The following CSTF3 variants were observed in gnomAD, a reference collection of about 807,000 sequenced individuals.
CSTF3 encodes the protein cleavage stimulation factor subunit 3, also known as CF-1 77 kDa subunit.
CSTF3 carries 29 observed loss-of-function variants against 105.8 expected under a neutral mutation model. The ratio of observed to expected loss-of-function variants is 0.27; its 90% CI spans 0.20 to 0.37. The LOEUF (loss-of-function observed/expected upper bound fraction) is 0.37. Ranked by LOEUF, CSTF3 falls within the 10% of genes least tolerant of loss-of-function variation. The pLI, the probability that CSTF3 is intolerant of heterozygous loss-of-function variation, is 1.00. For missense variants in CSTF3, 357 were observed against 879.3 expected (o/e 0.41, Z 7.51); for synonymous variants, 252 against 281.9 (o/e 0.89, Z 1.06).
rs1248883291 is a variant in CSTF3 at position 33,084,734 on chromosome 11, A to ATGCTT, written c.*348_*352dup. 1 of 228,384 alleles carries ATGCTT rather than the reference A, an allele frequency of 4.4e-6. No individual in the cohort carries two copies. The highest frequency in any genetic ancestry group is 2.3e-5 in the African/African-American group (1 of 44,328). The allele number at this position is 228,384 out of a possible 1,614,324, so 14.1% of individuals were successfully genotyped here. On this transcript the variant is annotated 3_prime_UTR_variant, in exon 21 of 21. Transcript: ENST00000323959. ...AATTGTTTTCAGAAAATGTGATAAA[A>ATGCTT]TGCTTTACAATCATAAGCCATCCAG...
chr11:33,094,803 TC>T (rs1229281152), intron 15 of CSTF3, among the ~76,000 whole-genome samples: 19 of 152,170 alleles, frequency 1.2e-4, no homozygotes, highest in Non-Finnish European at 2.5e-4. Flanking sequence ...ACCTATGATA[TC>T]TAATTCTATA....
At chr11:33,106,212 C>T in intron 5 of CSTF3, 148 bp from the exon 6 acceptor site, 1 of 605,906 alleles carries the variant, frequency 1.7e-6, no homozygotes, top group Non-Finnish European at 2.9e-6. Context: ...GAATTCAAGA[C>T]CTGCCTGTGC....
chr11:33,085,670 A>G lies in CSTF3; in HGVS notation c.1951+43T>C, dbSNP rs1457253871. On this transcript the variant is annotated intron_variant, in intron 20 of 20. Transcript: ENST00000323959. ...AATAATCTCTACTGCCTATGAGACA[A>G]CAACGTGGAATGACACTCTGAAATG... 8 of 1,517,234 alleles carry G rather than the reference A, an allele frequency of 5.3e-6. No homozygotes were observed. The Admixed American group carries it at 8.4e-5, about 16-fold the overall frequency. 94.0% of individuals were successfully genotyped at this position (1,517,234 alleles called of 1,614,324 possible). A position where few individuals can be genotyped will look rare whatever the true frequency, so the allele number is the denominator to read the frequency against.
chr11:33,121,951 T>C (rs1169379184), intron 3 of CSTF3, among the ~76,000 whole-genome samples: 1 of 152,202 alleles, frequency 6.6e-6, no homozygotes. Context: ...TTCCTAATGC[T>C]GTTTCTCAAA....
At chr11:33,089,890 C>G (rs1855149764) in intron 17 of CSTF3, among the ~76,000 whole-genome samples, 2 of 152,144 alleles carry the variant, frequency 1.3e-5, no homozygotes, top group African/African-American at 4.8e-5. Context: ...GTTTTATCAG[C>G]AAGGGCTGTT....
At chr11:33,086,240 CAA>C (rs953665442) in intron 18 of CSTF3, among the ~76,000 whole-genome samples, 16 of 152,176 alleles carry the variant, frequency 1.1e-4, no homozygotes, top group African/African-American at 2.9e-4. Flanking sequence ...CAGTTTTTGT[CAA>C]AGAGTGTTTC....
intron 18 of CSTF3, 129 bp downstream of exon 18, chr11:33,086,859 T>C (rs1357294388): frequency 1.9e-6 from 2 of 1,050,560 alleles, no homozygotes; most frequent in Non-Finnish European, 2.9e-6. Context: ...GCTAAATCAC[T>C]TGTCATAGTG....
intron 1 of CSTF3, among the ~76,000 whole-genome samples, chr11:33,158,782 T>G (rs1352339705): frequency 6.6e-6 from 1 of 152,096 alleles, no homozygotes; most frequent in Non-Finnish European, 1.5e-5. Flanking sequence ...GAAATACAGA[T>G]GAAGGGACAA....
intron 3 of CSTF3, among the ~76,000 whole-genome samples, chr11:33,114,062 A>G (rs1205097063): frequency 1.3e-5 from 2 of 152,234 alleles, no homozygotes; most frequent in Admixed American, 6.5e-5. Context: ...TTTTGGAACT[A>G]AAACTATCCT....
At position 33,159,799 on chromosome 11, in the gene CSTF3, T is replaced by C. The variant is rs576106563; in HGVS notation, c.27+1500A>G. On this transcript the variant is annotated intron_variant, in intron 1 of 20. Coordinates refer to ENST00000323959, the MANE Select transcript of CSTF3 (RefSeq NM_001326.3). ...TATCAGCATGGGGAGATAAAGCAAA[T>C]ATGGCAAGGCTTTCAGCTGTTGATT... is the stretch of plus-strand genomic sequence containing the variant. Among the ~76,000 whole-genome samples the C allele has an allele frequency of 8.8e-4, 134 of 151,880 alleles. 1 individual carries two copies. The highest frequency in any genetic ancestry group is 4.8e-3 in the South Asian group (23 of 4,820).
chr11:33,145,324 C>A (rs1590285470), intron 1 of CSTF3, among the ~76,000 whole-genome samples: 1 of 151,830 alleles, frequency 6.6e-6, no homozygotes, highest in African/African-American at 2.4e-5. Context: ...ATGGTCCCAC[C>A]TACTTGGGAA....
At chr11:33,128,547 A>G (rs1314789645) in intron 3 of CSTF3, among the ~76,000 whole-genome samples, 1 of 152,180 alleles carries the variant, frequency 6.6e-6, no homozygotes, top group African/African-American at 2.4e-5. Flanking sequence ...TTATTAACCT[A>G]GCAATTATTT....
At chr11:33,151,015 T>C (rs1855853357) in intron 1 of CSTF3, among the ~76,000 whole-genome samples, 1 of 152,160 alleles carries the variant, frequency 6.6e-6, no homozygotes, top group South Asian at 2.1e-4. Context: ...ATATTCAAGT[T>C]TACAGAACCA....
intron 1 of CSTF3, among the ~76,000 whole-genome samples, chr11:33,159,163 A>G (rs1474981094): frequency 6.6e-6 from 1 of 152,126 alleles, no homozygotes; most frequent in Non-Finnish European, 1.5e-5. Context: ...TTTCAAATAA[A>G]CATGCGTGGA....
At chr11:33,109,324 AAGTAGTACAGTAATAG>A (rs1383416709) in intron 3 of CSTF3, among the ~76,000 whole-genome samples, 6 of 152,148 alleles carry the variant, frequency 3.9e-5, no homozygotes, top group African/African-American at 1.4e-4. Flanking sequence ...CTTTTATCTC[AAGTAGTACAGTAATAG>A]AGTAGTATTC....
At chr11:33,098,984 C>T in intron 12 of CSTF3, 50 bp downstream of exon 12, 2 of 1,539,242 alleles carry the variant, frequency 1.3e-6, no homozygotes, top group Non-Finnish European at 1.7e-6. Flanking sequence ...AAAGTTCAGT[C>T]CTGCACTAAA....
At chr11:33,111,690 G>A (rs1054392910) in intron 3 of CSTF3, among the ~76,000 whole-genome samples, 1 of 152,004 alleles carries the variant, frequency 6.6e-6, no homozygotes, top group Admixed American at 6.6e-5. Flanking sequence ...TTGCATACCC[G>A]TCCCCAACAA....
intron 3 of CSTF3, among the ~76,000 whole-genome samples, chr11:33,124,388 T>C (rs1455790295): frequency 6.6e-6 from 1 of 152,122 alleles, no homozygotes; most frequent in Non-Finnish European, 1.5e-5. Flanking sequence ...AACAATAAAA[T>C]TGAAGTGATA....
chr11:33,124,260 T>C (rs902574464), intron 3 of CSTF3, among the ~76,000 whole-genome samples: 1 of 152,058 alleles, frequency 6.6e-6, no homozygotes, highest in South Asian at 2.1e-4. Flanking sequence ...TTTAGTTCAT[T>C]TAGTTAATTT....
Sources: gnomAD v4.1 joint callset for allele counts (sites outside exome capture counted in the v4.1 genomes callset) on GRCh38, gnomAD v4.1.1 for gene constraint, MANE v1.5 for transcripts, NCBI Gene and HGNC (gene_info 2026-07-23, HGNC 2026-07-21) for gene names.